The following C2CD5 variants were observed in gnomAD, a reference collection of about 807,000 sequenced individuals.
C2CD5 encodes the protein C2 calcium dependent domain containing 5, also known as C2 domain-containing protein 5.
In C2CD5, 109 loss-of-function variants were observed where a neutral mutation model predicts 130.3. The ratio of observed to expected loss-of-function variants is 0.84; its 90% CI spans 0.72 to 0.98. C2CD5 has a LOEUF of 0.98. C2CD5 is among the 50% of genes least tolerant of loss of function. The pLI, the probability that C2CD5 is intolerant of heterozygous loss-of-function variation, is 0.00. For synonymous variants in C2CD5, 454 were observed against 429.2 expected (o/e 1.06, Z -0.71); for missense variants, 996 against 1,261.8 (o/e 0.79, Z 3.19).
chr12:22,538,630 T>C (rs1393081818), intron 2 of C2CD5, among the ~76,000 whole-genome samples: 2 of 152,212 alleles, frequency 1.3e-5, no homozygotes, highest in African/African-American at 4.8e-5. Context: ...GTAATCTGTA[T>C]CCCCCTTTCC....
intron 9 of C2CD5, among the ~76,000 whole-genome samples, chr12:22,511,894 T>C (rs1949238742): frequency 6.6e-6 from 1 of 152,136 alleles, no homozygotes; most frequent in South Asian, 2.1e-4. Context: ...AAAAACTCTG[T>C]AGAGAACATA....
intron 26 of C2CD5, among the ~76,000 whole-genome samples, chr12:22,452,037 T>C (rs1192145962): frequency 6.6e-6 from 1 of 152,202 alleles, no homozygotes. Flanking sequence ...TAAGCTGATT[T>C]TGAGGCACTT....
intron 9 of C2CD5, among the ~76,000 whole-genome samples, chr12:22,508,091 A>T (rs935729808): frequency 6.6e-6 from 1 of 152,170 alleles, no homozygotes; most frequent in Non-Finnish European, 1.5e-5. Flanking sequence ...GGAGAATACA[A>T]ACTCACAAAA....
At chr12:22,463,575 C>T (rs563738403) in intron 22 of C2CD5, 1 of 152,278 alleles carries the variant, frequency 6.6e-6, no homozygotes, top group South Asian at 2.1e-4. Flanking sequence ...ATGGGACTTC[C>T]AACCTCCAGA....
chr12:22,533,613 G>A (rs1951525536), intron 3 of C2CD5, among the ~76,000 whole-genome samples: 1 of 152,136 alleles, frequency 6.6e-6, no homozygotes, highest in Non-Finnish European at 1.5e-5. Flanking sequence ...TTCCTAAGAA[G>A]AGCACAAGAG....
At chr12:22,451,654 T>C (rs1442366298) in intron 26 of C2CD5, among the ~76,000 whole-genome samples, 4 of 150,588 alleles carry the variant, frequency 2.7e-5, no homozygotes, top group African/African-American at 9.8e-5. Context: ...ACCTACAAAA[T>C]GGAGTTAATA....
At chr12:22,543,775 G>C (rs1952652065) in intron 2 of C2CD5, among the ~76,000 whole-genome samples, 1 of 152,122 alleles carries the variant, frequency 6.6e-6, no homozygotes, top group African/African-American at 2.4e-5. Flanking sequence ...GGGATCTCCT[G>C]AGTGGCAGGT....
intron 25 of C2CD5, 73 bp from the exon 26 acceptor site, chr12:22,454,115 A>C: frequency 8.4e-7 from 1 of 1,196,060 alleles, no homozygotes; most frequent in South Asian, 1.4e-5. Context: ...ACAAAATGTC[A>C]AAGAATATAT....
At chr12:22,507,857 A>T (rs1177850103) in intron 9 of C2CD5, among the ~76,000 whole-genome samples, 1 of 152,224 alleles carries the variant, frequency 6.6e-6, no homozygotes, top group Non-Finnish European at 1.5e-5. Context: ...TAAAGCTCAT[A>T]TACTTTATTC....
At chr12:22,519,285 A>G in intron 7 of C2CD5, 1 of 1,490,444 alleles carries the variant, frequency 6.7e-7, no homozygotes, top group Non-Finnish European at 9.0e-7. Flanking sequence ...AACAATACAT[A>G]CAACAGATTG....
intron 13 of C2CD5, among the ~76,000 whole-genome samples, chr12:22,483,363 G>A (rs1174874960): frequency 6.6e-6 from 1 of 151,884 alleles, no homozygotes; most frequent in Admixed American, 6.6e-5. Context: ...AAATACAAAA[G>A]TCACTTGAGC....
intron 9 of C2CD5, among the ~76,000 whole-genome samples, chr12:22,507,765 T>C (rs1948732627): frequency 6.6e-6 from 1 of 152,192 alleles, no homozygotes; most frequent in Non-Finnish European, 1.5e-5. Flanking sequence ...CTCAGCTATT[T>C]AGAACATAAT....
intron 1 of C2CD5, 44 bp downstream of exon 1, chr12:22,544,276 G>A (rs535098327): frequency 5.5e-6 from 4 of 732,092 alleles, no homozygotes; most frequent in South Asian, 2.1e-5. Flanking sequence ...GCGCGCGGGG[G>A]CGCGCGCGGG....
chr12:22,513,538 C>T, intron 8 of C2CD5, 159 bp from the exon 9 acceptor site: 1 of 600,004 alleles, frequency 1.7e-6, no homozygotes, highest in Admixed American at 2.7e-5. Flanking sequence ...TTTTACTCTA[C>T]TTTTATTCAC....
At chr12:22,495,564 CAA>C (rs200006225) in intron 10 of C2CD5, among the ~76,000 whole-genome samples, 2 of 135,218 alleles carry the variant, frequency 1.5e-5, no homozygotes, top group Non-Finnish European at 1.6e-5. Flanking sequence ...AACAAACGAA[CAA>C]AAAAAAAAAA....
rs773780649 is a variant in C2CD5 at position 22,470,883 on chromosome 12, A to G, written c.2387T>C (p.Phe796Ser). The G allele has an allele frequency of 1.3e-5, 21 of 1,612,436 alleles. No homozygotes were observed. The highest frequency in any genetic ancestry group is 1.8e-5 in the Non-Finnish European group (21 of 1,178,856). Reference protein sequence around the residue: ...QVTVTAVAITFDKNQALQTTK... With the variant: ...QVTVTAVAITSDKNQALQTTK... Reference sequence around the variant, plus strand: ...GGTTTGTAAAGCCTGATTTTTGTCAAAAGTGATTGCGACTGCCGTGACTGT... The same window carrying G: ...GGTTTGTAAAGCCTGATTTTTGTCAGAAGTGATTGCGACTGCCGTGACTGT... Residue 796 changes from phenylalanine (F) to serine (S), a missense_variant, in exon 21 of 27, where the codon TTT (phenylalanine) becomes TCT (serine). Physicochemically the swap from Phe to Ser is radical, Grantham distance 155. This residue lies in a region of C2CD5 where 590 missense variants were observed against 631.4 expected (regional missense o/e 0.93). Coordinates refer to ENST00000446597, the MANE Select transcript of C2CD5 (RefSeq NM_001286176.2).
chr12:22,472,119 A>G, intron 18 of C2CD5, 54 bp from the exon 19 acceptor site: 1 of 1,092,572 alleles, frequency 9.2e-7, no homozygotes, highest in Non-Finnish European at 1.4e-6. Flanking sequence ...TAAATATTTT[A>G]ACAGTTGATA....
In C2CD5 at chr12:22,478,412, A is replaced by C. The variant is rs773236178; in HGVS notation, c.1803T>G (p.Thr601=). 4 of 1,613,152 alleles carry C rather than the reference A, an allele frequency of 2.5e-6. No individual in the cohort carries two copies. In the African/African-American group the frequency reaches 5.3e-5, roughly 22 times the overall value. The change falls in exon 15 of 27, where the codon ACT becomes ACG. Residue 601 remains threonine (T), a synonymous_variant. Transcript: ENST00000446597. ...TPGGIQIAGK[T]PNDGSYEQHI... ...GTTGTTCATATGAGCCATCATTAGG[A>C]GTCTTCCCAGCAATCTGAATACCAC...
rs758797083 is a variant in C2CD5, at chr12:22,513,310, G to A, written c.1022C>T (p.Ser341Leu). Residue 341 changes from serine to leucine, a missense_variant, in exon 9 of 27, where the codon TCA becomes TTA. Physicochemically the swap from Ser to Leu is moderately radical, Grantham distance 145. Coordinates refer to ENST00000446597, the MANE Select transcript of C2CD5 (RefSeq NM_001286176.2). The stretch of plus-strand genomic sequence containing the variant: ...GAATCTTACCCTCTGTTCCAACGCT[G>A]ATTGAGTCTGTTGTCTTAAAAGAGC... ...FKALLRQQTQ[S>L]ALEQREFPFF... 1.2e-6 allele frequency: 2 copies of A among 1,609,098 alleles called. No homozygotes were observed. The highest frequency in any genetic ancestry group is 4.5e-5 in the East Asian group (2 of 44,772).
Sources: allele counts gnomAD v4.1 joint callset (sites outside exome capture counted in the v4.1 genomes callset), GRCh38; gene constraint gnomAD v4.1.1; regional missense constraint gnomAD v4.1.1; transcripts MANE v1.5; gene names NCBI Gene and HGNC (gene_info 2026-07-23, HGNC 2026-07-21).